UBE4B: variants seen among roughly 807,000 people sequenced by gnomAD.
The protein encoded by UBE4B is ubiquitination factor E4B.
Under a neutral mutation model 148.1 loss-of-function variants are expected in UBE4B, and 27 were observed. That is an observed-to-expected ratio of 0.18 (90% CI 0.13 to 0.25). The LOEUF is 0.25. Among genes scored for constraint, UBE4B ranks in the 10% least tolerant of loss-of-function variants. The probability of loss-of-function intolerance (pLI) is 1.00; values close to 1 mark genes in which losing one functional copy is unlikely to be tolerated. For synonymous variants in UBE4B, 596 were observed against 619.3 expected (o/e 0.96, Z 0.56); for missense variants, 1,170 against 1,662.4 (o/e 0.70, Z 5.15).
intron 25 of UBE4B, among the ~76,000 whole-genome samples, chr1:10,172,943 A>G (rs553682982): frequency 1.3e-5 from 2 of 152,328 alleles, no homozygotes; most frequent in South Asian, 4.1e-4. Context: ...GATTCAGTAC[A>G]GTCCCACACT....
intron 17 of UBE4B, among the ~76,000 whole-genome samples, chr1:10,144,490 C>G (rs903017257): frequency 1.3e-5 from 2 of 152,076 alleles, no homozygotes; most frequent in Admixed American, 6.5e-5. Flanking sequence ...AATCCCAGCA[C>G]TTTGGGAGGC....
At position 10,134,971 on chromosome 1, in the gene UBE4B, C is replaced by G. The variant is rs374391496; in HGVS notation, c.2026-17C>G. On this transcript the variant is annotated splice_polypyrimidine_tract_variant and intron_variant, in intron 15 of 27. Coordinates refer to ENST00000343090, the MANE Select transcript of UBE4B (RefSeq NM_001105562.3). ...TTTTTAATGTTTAAAAATACTTTTT[C>G]TTTTCAACTTTCACAGACAGATGAT... 1 of 1,607,532 alleles carries G rather than the reference C, an allele frequency of 6.2e-7. No individual in the cohort carries two copies. The highest frequency in any genetic ancestry group is 8.5e-7 in the Non-Finnish European group (1 of 1,177,058).
intron 7 of UBE4B, among the ~76,000 whole-genome samples, chr1:10,114,741 G>A (rs1436231584): frequency 6.6e-6 from 1 of 152,130 alleles, no homozygotes; most frequent in African/African-American, 2.4e-5. Flanking sequence ...GCGAGCGCCT[G>A]TAGTCCCAGC....
intron 1 of UBE4B, among the ~76,000 whole-genome samples, chr1:10,045,793 T>C (rs1015868970): frequency 6.6e-6 from 1 of 152,170 alleles, no homozygotes; most frequent in Non-Finnish European, 1.5e-5. Context: ...GATGGTCAGA[T>C]ACATTTTGTG....
intron 4 of UBE4B, among the ~76,000 whole-genome samples, chr1:10,101,976 GGTGTGTGTGTGT>G (rs35021874): frequency 4.1e-5 from 6 of 147,472 alleles, no homozygotes; most frequent in East Asian, 2.0e-4. Flanking sequence ...CTGCATTTAG[GGTGTGTGTGTGT>G]GTGTGTGTGT....
intron 15 of UBE4B, 104 bp downstream of exon 15, chr1:10,132,586 A>G (rs1645613656): frequency 1.1e-6 from 1 of 927,140 alleles, no homozygotes; most frequent in East Asian, 2.5e-5. Flanking sequence ...GGGGTACAGT[A>G]TTGAACAAGG....
rs1260660479 is a variant in UBE4B, at chr1:10,168,734, T to C, written c.3333+464T>C. ...AGTGAAACCCCATCTCTACTAAAAG[T>C]ACAAAAAATTAGCTGGGCGTGGTGG... is the stretch of plus-strand genomic sequence containing the variant. On this transcript the variant is annotated intron_variant, in intron 24 of 27. Coordinates refer to ENST00000343090, the MANE Select transcript of UBE4B (RefSeq NM_001105562.3). This position sits in a 1 kb window ranked among gnomAD's most constrained non-coding sequence, Gnocchi z 4.9. 6.6e-6 allele frequency among the ~76,000 whole-genome samples: 1 copy of C among 151,574 alleles called. No homozygotes were observed. The highest frequency in any genetic ancestry group is 1.5e-5 in the Non-Finnish European group (1 of 67,888).
intron 3 of UBE4B, 64 bp from the exon 4 acceptor site, chr1:10,101,044 A>G: frequency 7.2e-7 from 1 of 1,384,510 alleles, no homozygotes; most frequent in Non-Finnish European, 1.0e-6. Flanking sequence ...CTCACCCAGC[A>G]GCTACAGTGA....
intron 7 of UBE4B, chr1:10,107,181 T>A: frequency 2.3e-6 from 3 of 1,289,018 alleles, no homozygotes; most frequent in Non-Finnish European, 3.0e-6. Flanking sequence ...TCTTGTTTTT[T>A]CTTTGTTCTC....
At chr1:10,166,218 A>T (rs976690887) in intron 23 of UBE4B, 1 of 152,108 alleles carries the variant, frequency 6.6e-6, no homozygotes, top group African/African-American at 2.4e-5. Context: ...GCTTTTCCTG[A>T]TGGGTCTGTG....
rs538451198 is a variant in UBE4B at position 10,097,524 on chromosome 1, A to T, written c.347+1928A>T. Reference sequence around the variant, plus strand: ...GCATTTGAAAGATATTATTTTAAAAAATCAGGCCAGGAGCAGTGGCTTACG... The same window carrying T: ...GCATTTGAAAGATATTATTTTAAAATATCAGGCCAGGAGCAGTGGCTTACG... On this transcript the variant is annotated intron_variant, in intron 3 of 27. Coordinates refer to ENST00000343090, the MANE Select transcript of UBE4B (RefSeq NM_001105562.3). Among the ~76,000 whole-genome samples, 21 of 152,262 alleles carry T rather than the reference A, an allele frequency of 1.4e-4. No homozygotes were observed. In the East Asian group the frequency reaches 3.5e-3, roughly 25 times the overall value.
At chr1:10,038,772 T>C (rs77985758) in intron 1 of UBE4B, among the ~76,000 whole-genome samples, 1 of 150,796 alleles carries the variant, frequency 6.6e-6, no homozygotes, top group African/African-American at 2.4e-5. Flanking sequence ...CCACTCCCAA[T>C]TTTTTTTTTA....
At chr1:10,160,881 T>C (rs1454678391) in intron 22 of UBE4B, among the ~76,000 whole-genome samples, 1 of 152,144 alleles carries the variant, frequency 6.6e-6, no homozygotes, top group Non-Finnish European at 1.5e-5. Context: ...AGGTCGAGGA[T>C]GCAGTGAGCT....
chr1:10,101,205 C>T lies in UBE4B; in HGVS notation c.435+10C>T. On this transcript the variant is annotated intron_variant, in intron 4 of 27. Coordinates refer to ENST00000343090, the MANE Select transcript of UBE4B (RefSeq NM_001105562.3). ...GAGCCTCAGTGATAAGGTTGGTAAG[C>T]GATGAAGCCCTTGGTACAGGTAATA... 3.7e-6 allele frequency: 6 copies of T among 1,612,790 alleles called. No individual in the cohort carries two copies. Among genetic ancestry groups the T allele is most frequent in the South Asian group, 1.1e-5 (1 of 91,044 alleles).
At chr1:10,036,205 T>C (rs944495555) in intron 1 of UBE4B, among the ~76,000 whole-genome samples, 3 of 152,000 alleles carry the variant, frequency 2.0e-5, no homozygotes, top group Non-Finnish European at 4.4e-5. Flanking sequence ...GAAGATATTG[T>C]ATAATCTAAA....
rs79790757 is a variant in UBE4B at position 10,132,582 on chromosome 1, C to T, written c.2025+100C>T. 4,449 of 935,142 alleles carry T rather than the reference C, an allele frequency of 4.8e-3. 96 individuals carry two copies. The African/African-American group carries it at 0.056, about 12-fold the overall frequency. 57.9% of individuals were successfully genotyped at this position (935,142 alleles called of 1,614,324 possible). ...AGGCACTGTTCTAGGAGTGGGGGTACAGTATTGAACAAGGTAGACGAGCTT... is the reference window on the plus strand; with the variant it reads ...AGGCACTGTTCTAGGAGTGGGGGTATAGTATTGAACAAGGTAGACGAGCTT... On this transcript the variant is annotated intron_variant, in intron 15 of 27. Coordinates refer to ENST00000343090, the MANE Select transcript of UBE4B (RefSeq NM_001105562.3).
intron 1 of UBE4B, among the ~76,000 whole-genome samples, chr1:10,070,079 A>G (rs1361974629): frequency 6.6e-6 from 1 of 152,006 alleles, no homozygotes; most frequent in Non-Finnish European, 1.5e-5. Context: ...ATTTGAGACC[A>G]GCCTGGGCAA....
rs997184100 is a variant in UBE4B, at chr1:10,106,644, G to A, written c.1196+61G>A. The A allele has an allele frequency of 2.1e-5, 31 of 1,477,314 alleles. No individual in the cohort carries two copies. Among genetic ancestry groups the A allele is most frequent in the Non-Finnish European group, 2.5e-5 (28 of 1,122,078 alleles). The allele number at this position is 1,477,314 out of a possible 1,614,324, so 91.5% of individuals were successfully genotyped here. On this transcript the variant is annotated intron_variant, in intron 7 of 27. Transcript: ENST00000343090. The surrounding 1 kb of genome is among the most constrained non-coding windows in gnomAD (Gnocchi z 4.2). The stretch of plus-strand genomic sequence containing the variant: ...CGGTGCAGGGAAAGGAGATTAACAC[G>A]GTTTGGAAGAAGTGCTGTGTGACAC...
intron 1 of UBE4B, among the ~76,000 whole-genome samples, chr1:10,066,261 T>G (rs1254550843): frequency 6.6e-6 from 1 of 151,756 alleles, no homozygotes; most frequent in African/African-American, 2.4e-5. Flanking sequence ...GCACTACACA[T>G]CGTGTGTGCC....
Sources: allele counts gnomAD v4.1 joint callset (sites outside exome capture counted in the v4.1 genomes callset), GRCh38; gene constraint gnomAD v4.1.1; non-coding constraint Gnocchi (gnomAD v3.1); transcripts MANE v1.5; gene names NCBI Gene and HGNC (gene_info 2026-07-23, HGNC 2026-07-21).